TLK1: variants seen among roughly 807,000 people sequenced by gnomAD.
TLK1 encodes the protein tousled like kinase 1.
Under a neutral mutation model 105.3 loss-of-function variants are expected in TLK1, and 24 were observed. That is an observed-to-expected ratio of 0.23 (90% CI 0.17 to 0.32). The LOEUF is 0.32. TLK1 is among the 10% of genes least tolerant of loss of function. TLK1 has a pLI of 1.00. For missense variants in TLK1, 558 were observed against 910.5 expected (o/e 0.61, Z 4.98); for synonymous variants, 321 against 310.4 (o/e 1.03, Z -0.36).
chr2:171,073,489 A>G (rs1055579259), intron 3 of TLK1, among the ~76,000 whole-genome samples: 4 of 152,202 alleles, frequency 2.6e-5, no homozygotes, highest in African/African-American at 9.6e-5. Context: ...AACATTAAAA[A>G]AAGCTTCCTG....
At chr2:171,086,630 A>AAAC (rs1558933921) in intron 2 of TLK1, among the ~76,000 whole-genome samples, 1,410 of 133,172 alleles carry the variant, frequency 0.011, 20 homozygotes, top group African/African-American at 0.039. Flanking sequence ...CGTCTCAAAA[A>AAAC]AAACAAACAA....
At chr2:171,200,288 A>AC (rs894374619) in intron 1 of TLK1, among the ~76,000 whole-genome samples, 4 of 151,488 alleles carry the variant, frequency 2.6e-5, no homozygotes, top group African/African-American at 7.3e-5. Context: ...TGTTTTTTCT[A>AC]CCCCCCCATC....
In TLK1 at chr2:171,160,354, C is replaced by T; in HGVS notation, c.75G>A (p.Pro25=). The T allele has an allele frequency of 6.2e-7, 1 of 1,604,754 alleles. No individual in the cohort carries two copies. The highest frequency in any genetic ancestry group is 8.5e-7 in the Non-Finnish European group (1 of 1,176,310). The change falls in exon 1 of 21, where the codon CCG becomes CCA. Residue 25 remains proline (P), a synonymous_variant. Transcript: ENST00000431350. This position sits in a 1 kb window ranked among gnomAD's most constrained non-coding sequence, Gnocchi z 4.4. ...GGGACCTGGCCGCCGCCGCCGAGCC[C>T]GGGGTTGGAGACGTGGAGAGCTGGG... The part of the protein sequence containing the change: ...SWSQLSTSPT[P]GSAAAARSLL...
intron 11 of TLK1, among the ~76,000 whole-genome samples, chr2:171,041,467 G>C (rs1351084403): frequency 6.6e-6 from 1 of 152,158 alleles, no homozygotes; most frequent in Non-Finnish European, 1.5e-5. Flanking sequence ...TGGCCTGTTA[G>C]GCTGCACAAC....
chr2:171,043,096 T>C (rs1686768102), intron 11 of TLK1, among the ~76,000 whole-genome samples: 1 of 152,032 alleles, frequency 6.6e-6, no homozygotes, highest in Non-Finnish European at 1.5e-5. Context: ...GAAAATGTTA[T>C]GGAAACAGAC....
intron 2 of TLK1, among the ~76,000 whole-genome samples, chr2:171,100,831 A>T (rs562129661): frequency 6.6e-6 from 1 of 152,198 alleles, no homozygotes; most frequent in African/African-American, 2.4e-5. Context: ...CTATATACCT[A>T]AAAGAACTAA....
chr2:171,019,724 G>A (rs1035231870), intron 12 of TLK1, among the ~76,000 whole-genome samples: 8 of 152,198 alleles, frequency 5.3e-5, no homozygotes, highest in African/African-American at 1.7e-4. Context: ...TCTATTCACC[G>A]TAACAACACT....
intron 1 of TLK1, among the ~76,000 whole-genome samples, chr2:171,151,366 A>G (rs965137008): frequency 6.6e-6 from 1 of 151,910 alleles, no homozygotes; most frequent in Non-Finnish European, 1.5e-5. Flanking sequence ...CCTCATCTAT[A>G]AAGTCGGGAT....
At position 171,160,791 on chromosome 2, in the gene TLK1, C is replaced by T; in HGVS notation, c.-363G>A. 5.1e-6 allele frequency: 2 copies of T among 393,396 alleles called. No homozygotes were observed. Among genetic ancestry groups the T allele is most frequent in the Non-Finnish European group, 8.9e-6 (2 of 224,388 alleles). 24.4% of individuals were successfully genotyped at this position (393,396 alleles called of 1,614,324 possible). A position where few individuals can be genotyped will look rare whatever the true frequency, so the allele number is the denominator to read the frequency against. On this transcript the variant is annotated 5_prime_UTR_variant, in exon 1 of 21. Coordinates refer to ENST00000431350, the MANE Select transcript of TLK1 (RefSeq NM_012290.5). The surrounding 1 kb of genome is among the most constrained non-coding windows in gnomAD (Gnocchi z 4.4). ...CGCCGGCCGAGGACACTTCCGCGGG[C>T]GGAACCTGCCGGCACCTCTGCAGTG...
chr2:171,159,895 G>A (rs1182951456), intron 1 of TLK1: 4 of 168,180 alleles, frequency 2.4e-5, no homozygotes, highest in African/African-American at 9.5e-5. Context: ...GGCTCCAGCG[G>A]GAGGGAAAAC....
At chr2:171,153,327 CAAT>C (rs1187753515) in intron 1 of TLK1, among the ~76,000 whole-genome samples, 3 of 152,158 alleles carry the variant, frequency 2.0e-5, no homozygotes, top group Non-Finnish European at 4.4e-5. Context: ...TGTGCGAACA[CAAT>C]AAACTTTAGC....
chr2:171,042,963 T>C (rs1160210686), intron 11 of TLK1, among the ~76,000 whole-genome samples: 2 of 151,720 alleles, frequency 1.3e-5, no homozygotes, highest in Non-Finnish European at 2.9e-5. Flanking sequence ...GTGAATTTTA[T>C]CTAGAAAGCC....
At chr2:171,076,214 T>C (rs1382682349) in intron 3 of TLK1, among the ~76,000 whole-genome samples, 1 of 143,978 alleles carries the variant, frequency 6.9e-6, no homozygotes, top group Non-Finnish European at 1.5e-5. Flanking sequence ...CAAAACTCCA[T>C]CTCGGAGGGC....
chr2:171,146,631 G>A (rs1181641241), intron 1 of TLK1, among the ~76,000 whole-genome samples: 2 of 152,080 alleles, frequency 1.3e-5, no homozygotes, highest in Non-Finnish European at 2.9e-5. Flanking sequence ...TTGGGCTCTT[G>A]ATAAAAATAT....
At chr2:171,179,224 A>C (rs1692885038) in intron 1 of TLK1, among the ~76,000 whole-genome samples, 1 of 152,368 alleles carries the variant, frequency 6.6e-6, no homozygotes, top group East Asian at 1.9e-4. Context: ...AGTTGTAATG[A>C]GTCATCCCTG....
At chr2:171,145,724 C>T (rs1483366472) in intron 1 of TLK1, among the ~76,000 whole-genome samples, 1 of 152,166 alleles carries the variant, frequency 6.6e-6, no homozygotes, top group Non-Finnish European at 1.5e-5. Context: ...GTAGTACATT[C>T]ACACAAAGTA....
At chr2:171,163,458 T>C (rs146055606), upstream of TLK1, among the ~76,000 whole-genome samples, 1 of 152,326 alleles carries the variant, frequency 6.6e-6, no homozygotes, top group East Asian at 1.9e-4. Flanking sequence ...GTAAGCTTAG[T>C]CAGCAGATTG....
chr2:171,151,271 A>AG (rs1436419520), intron 1 of TLK1, among the ~76,000 whole-genome samples: 1 of 151,800 alleles, frequency 6.6e-6, no homozygotes, highest in Non-Finnish European at 1.5e-5. Context: ...TGCCCACCTC[A>AG]GCCTCCCTAA....
At chr2:171,145,568 C>G (rs1018907240) in intron 1 of TLK1, among the ~76,000 whole-genome samples, 1 of 143,380 alleles carries the variant, frequency 7.0e-6, no homozygotes, top group African/African-American at 2.6e-5. Flanking sequence ...CCAGACTGGG[C>G]AACAGGGTGA....
Sources: allele counts gnomAD v4.1 joint callset (sites outside exome capture counted in the v4.1 genomes callset), GRCh38; gene constraint gnomAD v4.1.1; non-coding constraint Gnocchi (gnomAD v3.1); transcripts MANE v1.5; gene names NCBI Gene and HGNC (gene_info 2026-07-23, HGNC 2026-07-21).